Variants in CDK1 observed in about 807,000 individuals in gnomAD.
CDK1 encodes the protein cyclin-dependent kinase 1.
Under a neutral mutation model 34.6 loss-of-function variants are expected in CDK1, and 5 were observed. That is an observed-to-expected ratio of 0.14 (90% CI 0.08 to 0.30). The LOEUF is 0.30. Among genes scored for constraint, CDK1 ranks in the 10% least tolerant of loss-of-function variants. CDK1 has a pLI of 1.00. For synonymous variants in CDK1, 108 were observed against 114.7 expected (o/e 0.94, Z 0.37); for missense variants, 157 against 345.7 (o/e 0.45, Z 4.33).
At chr10:60,781,012 TGTG>T (rs2080268204) in intron 2 of CDK1, among the ~76,000 whole-genome samples, 1 of 152,028 alleles carries the variant, frequency 6.6e-6, no homozygotes, top group South Asian at 2.1e-4. Flanking sequence ...GACAAGTTAG[TGTG>T]GTGTTCGATT....
At chr10:60,781,762 TC>T (rs1020371082) in intron 2 of CDK1, among the ~76,000 whole-genome samples, 5 of 152,144 alleles carry the variant, frequency 3.3e-5, no homozygotes, top group Non-Finnish European at 7.4e-5. Context: ...TTTTATCTCC[TC>T]CTCTAGTCCA....
Position 60,780,160 on chromosome 10 carries a change from C to CT in CDK1, c.-5dup. 6.5e-7 allele frequency: 1 copy of CT among 1,528,048 alleles called. No individual in the cohort carries two copies. Among genetic ancestry groups the CT allele is most frequent in the Non-Finnish European group, 9.1e-7 (1 of 1,102,302 alleles). 94.7% of individuals were successfully genotyped at this position (1,528,048 alleles called of 1,614,324 possible). On this transcript the variant is annotated 5_prime_UTR_variant, in exon 2 of 8. Coordinates refer to ENST00000395284, the MANE Select transcript of CDK1 (RefSeq NM_001786.5). The stretch of plus-strand genomic sequence containing the variant: ...CTTTAGGATCTACCATACCCATTGA[C>CT]TAACTATGGAAGATTATACCAAAAT...
At chr10:60,792,094 T>C (rs759421196) in intron 6 of CDK1, 41 bp downstream of exon 6, 10 of 1,599,456 alleles carry the variant, frequency 6.3e-6, no homozygotes, top group Middle Eastern at 1.7e-4. Flanking sequence ...AACATATATG[T>C]AACAATGAGA....
At chr10:60,780,682 G>A (rs180803040) in intron 2 of CDK1, among the ~76,000 whole-genome samples, 6 of 152,046 alleles carry the variant, frequency 3.9e-5, no homozygotes, top group Admixed American at 3.9e-4. Context: ...AAGTATAAAT[G>A]ACCTGTCATA....
chr10:60,792,767 G>A lies in CDK1; in HGVS notation c.795+478G>A, dbSNP rs181169797. Among the ~76,000 whole-genome samples, 25 of 151,998 alleles carry A rather than the reference G, an allele frequency of 1.6e-4. No homozygotes were observed. In the East Asian group the frequency reaches 4.7e-3, roughly 28 times the overall value. ...GTATACATTTTCTCATTGGTCTTCG[G>A]GTTACTTTCAGAGTGTAAAGACTCC... On this transcript the variant is annotated intron_variant, in intron 7 of 7. Coordinates refer to ENST00000395284, the MANE Select transcript of CDK1 (RefSeq NM_001786.5).
Position 60,784,727 on chromosome 10 carries a change from G to A in CDK1, c.60G>A (p.Lys20=). The A allele has an allele frequency of 6.2e-7, 1 of 1,612,406 alleles. No homozygotes were observed. The highest frequency in any genetic ancestry group is 8.5e-7 in the Non-Finnish European group (1 of 1,178,558). ...CAGGTACCTATGGAGTTGTGTATAA[G>A]GGTAGACACAAAACTACAGGTCAAG... The part of the protein sequence containing the change: ...IGEGTYGVVY[K]GRHKTTGQVV... Residue 20 remains lysine (K), a synonymous_variant, in exon 3 of 8, where the codon AAG becomes AAA. Transcript: ENST00000395284.
intron 2 of CDK1, 128 bp downstream of exon 2, chr10:60,780,330 A>G (rs1044440053): frequency 9.2e-6 from 6 of 648,716 alleles, no homozygotes; most frequent in Non-Finnish European, 1.6e-5. Flanking sequence ...AGTGTGCATT[A>G]ACATATGTTC....
At chr10:60,787,704 A>T (rs2132070875) in intron 4 of CDK1, 1 of 154,644 alleles carries the variant, frequency 6.5e-6, no homozygotes, top group East Asian at 1.9e-4. Flanking sequence ...GAAAAGGCCA[A>T]CTGTATTGAA....
intron 2 of CDK1, chr10:60,783,516 A>T (rs1376083202): frequency 6.6e-6 from 1 of 152,200 alleles, no homozygotes; most frequent in Non-Finnish European, 1.5e-5. Context: ...AAGCTATAGA[A>T]GAGGCCTTCT....
At chr10:60,786,580 T>C (rs2080318245) in intron 4 of CDK1, 1 of 170,304 alleles carries the variant, frequency 5.9e-6, no homozygotes, top group Admixed American at 6.5e-5. Context: ...TAGGATAAAT[T>C]TTTAGAATGG....
intron 4 of CDK1, chr10:60,786,974 T>A (rs1389443927): frequency 1.7e-5 from 17 of 982,760 alleles, no homozygotes; most frequent in Non-Finnish European, 2.1e-5. Flanking sequence ...TTTTAGTAAG[T>A]CCTGTCTTCC....
chr10:60,792,971 A>G (rs1230945044), intron 7 of CDK1, among the ~76,000 whole-genome samples: 2 of 152,110 alleles, frequency 1.3e-5, no homozygotes, highest in Non-Finnish European at 2.9e-5. Flanking sequence ...AGATGCCATT[A>G]GTATACTCTT....
chr10:60,790,108 T>C (rs1208189438), intron 5 of CDK1, among the ~76,000 whole-genome samples: 3 of 152,234 alleles, frequency 2.0e-5, no homozygotes, highest in Non-Finnish European at 2.9e-5. Flanking sequence ...TTTTTTATTC[T>C]GGATGTTAAT....
chr10:60,783,252 T>G (rs2080287935), intron 2 of CDK1, among the ~76,000 whole-genome samples: 1 of 152,158 alleles, frequency 6.6e-6, no homozygotes, highest in Admixed American at 6.5e-5. Flanking sequence ...GTAATTTTGG[T>G]TATCAAAAAG....
chr10:60,789,886 C>T (rs973405193), intron 5 of CDK1, among the ~76,000 whole-genome samples: 2 of 152,150 alleles, frequency 1.3e-5, no homozygotes, highest in East Asian at 1.9e-4. Context: ...TAAAAAGTTG[C>T]CCTTTCTCTG....
intron 5 of CDK1, among the ~76,000 whole-genome samples, chr10:60,791,617 G>A (rs1194481499): frequency 1.3e-5 from 2 of 152,054 alleles, no homozygotes; most frequent in Non-Finnish European, 2.9e-5. Context: ...TTTTCAGTGG[G>A]GGGAAGATAA....
intron 2 of CDK1, among the ~76,000 whole-genome samples, chr10:60,782,237 G>A (rs1056105307): frequency 1.3e-5 from 2 of 151,988 alleles, no homozygotes; most frequent in East Asian, 3.9e-4. Flanking sequence ...TTGGTGTTTT[G>A]TCATGTTTAC....
chr10:60,786,437 A>G, intron 4 of CDK1: 5 of 690,646 alleles, frequency 7.2e-6, no homozygotes, highest in Non-Finnish European at 8.9e-6. Flanking sequence ...ATGTCTATTT[A>G]CATTTTTGAT....
At chr10:60,791,413 A>C (rs1309173927) in intron 5 of CDK1, among the ~76,000 whole-genome samples, 1 of 152,066 alleles carries the variant, frequency 6.6e-6, no homozygotes, top group African/African-American at 2.4e-5. Flanking sequence ...GGAGTCTTTT[A>C]AGTTTTTCTA....
Sources: gnomAD v4.1 joint callset for allele counts (sites outside exome capture counted in the v4.1 genomes callset) on GRCh38, gnomAD v4.1.1 for gene constraint, MANE v1.5 for transcripts, NCBI Gene and HGNC (gene_info 2026-07-23, HGNC 2026-07-21) for gene names.